The following SGCG variants were observed in gnomAD, a reference collection of about 807,000 sequenced individuals.
The protein encoded by SGCG is sarcoglycan gamma, also known as gamma-sarcoglycan.
SGCG carries 26 observed loss-of-function variants against 29.3 expected under a neutral mutation model. The ratio of observed to expected loss-of-function variants is 0.89; its 90% CI spans 0.65 to 1.23. The LOEUF (loss-of-function observed/expected upper bound fraction) is 1.23. SGCG is among the 50% of genes most tolerant of loss of function. The pLI is 0.00. For synonymous variants in SGCG, 145 were observed against 129.7 expected, an observed-to-expected ratio of 1.12 and a Z score of -0.80; for missense variants, 353 against 356.0, an observed-to-expected ratio of 0.99 and a Z score of 0.07.
At chr13:23,189,679 GAGAA>G (rs572052510) in intron 1 of SGCG, among the ~76,000 whole-genome samples, 336 of 152,294 alleles carry the variant, frequency 2.2e-3, no homozygotes, top group Non-Finnish European at 3.9e-3. Context: ...GGGCTTAACA[GAGAA>G]AACTATCACC....
intron 7 of SGCG, 135 bp from the exon 8 acceptor site, chr13:23,324,233 G>A: frequency 2.6e-6 from 2 of 766,104 alleles, no homozygotes; most frequent in Non-Finnish European, 4.5e-6. Context: ...TACGAAATGA[G>A]TTACATAAAG....
At chr13:23,269,987 G>T (rs961120019) in intron 4 of SGCG, among the ~76,000 whole-genome samples, 2 of 151,258 alleles carry the variant, frequency 1.3e-5, no homozygotes, top group Non-Finnish European at 2.9e-5. Flanking sequence ...CCATTCTCCT[G>T]CCTCAGCCTC....
Position 23,269,875 on chromosome 13 carries a change from T to G in SGCG, c.386-9484T>G, listed in dbSNP as rs1341699952. ...GGTTTGCTTTTTTTTGTTTTTTTTG[T>G]TTTTTTTGTTTTTTTTTGAGGCGGA... On this transcript the variant is annotated intron_variant, in intron 4 of 7. Transcript: ENST00000218867. Among the ~76,000 whole-genome samples the G allele has an allele frequency of 1.6e-4, 15 of 92,292 alleles. 1 individual carries two copies. Among genetic ancestry groups the G allele is most frequent in the Non-Finnish European group, 3.4e-4 (13 of 38,152 alleles). The allele number at this position is 92,292 out of a possible 152,430, so 60.5% of individuals were successfully genotyped here.
intron 4 of SGCG, among the ~76,000 whole-genome samples, chr13:23,271,593 A>G (rs529950748): frequency 2.6e-5 from 4 of 152,260 alleles, no homozygotes; most frequent in African/African-American, 7.2e-5. Flanking sequence ...TAGAGACTTC[A>G]TGGTATGTTT....
intron 4 of SGCG, among the ~76,000 whole-genome samples, chr13:23,253,675 C>T (rs1413364116): frequency 2.0e-5 from 3 of 152,196 alleles, no homozygotes; most frequent in East Asian, 3.8e-4. Context: ...TTTGGATGTG[C>T]GTCCCCTCCA....
At chr13:23,253,497 C>A (rs1880056682) in intron 4 of SGCG, among the ~76,000 whole-genome samples, 1 of 152,106 alleles carries the variant, frequency 6.6e-6, no homozygotes, top group Admixed American at 6.6e-5. Context: ...TCTCATATTT[C>A]CTGGAAGAAG....
Position 23,279,493 on chromosome 13 carries a change from G to C in SGCG, c.505+15G>C. The stretch of plus-strand genomic sequence containing the variant: ...TCGAGTAACTGGTATGTACTAACTC[G>C]AGAAAAACACAACATTCCATGGAGT... On this transcript the variant is annotated intron_variant, in intron 5 of 7. Coordinates refer to ENST00000218867, the MANE Select transcript of SGCG (RefSeq NM_000231.3). 1 of 1,610,608 alleles carries C rather than the reference G, an allele frequency of 6.2e-7. No individual in the cohort carries two copies. The highest frequency in any genetic ancestry group is 8.5e-7 in the Non-Finnish European group (1 of 1,177,792).
At chr13:23,210,088 A>G (rs1371535918) in intron 2 of SGCG, among the ~76,000 whole-genome samples, 2 of 152,204 alleles carry the variant, frequency 1.3e-5, no homozygotes, top group African/African-American at 4.8e-5. Context: ...ATATTGATAT[A>G]TATTTTAAAT....
intron 4 of SGCG, among the ~76,000 whole-genome samples, chr13:23,255,931 C>T (rs1271907992): frequency 6.6e-6 from 1 of 152,116 alleles, no homozygotes; most frequent in Admixed American, 6.5e-5. Flanking sequence ...GGAAGCTCCC[C>T]ACAGGAGACA....
chr13:23,170,983 AT>A, the SGCG span, among the ~76,000 whole-genome samples: 4 of 152,230 alleles, frequency 2.6e-5, no homozygotes, highest in Non-Finnish European at 5.9e-5. Context: ...AAATAGTATA[AT>A]TTGGCTTGAT....
chr13:23,311,327 CTTCTTCAG>C (rs1315581911), intron 6 of SGCG, among the ~76,000 whole-genome samples: 1 of 152,222 alleles, frequency 6.6e-6, no homozygotes, highest in Non-Finnish European at 1.5e-5. Flanking sequence ...TATCAGTGAA[CTTCTTCAG>C]TTCTTCAGTT....
chr13:23,250,560 A>T, intron 3 of SGCG, 70 bp from the exon 4 acceptor site: 1 of 781,682 alleles, frequency 1.3e-6, no homozygotes, highest in Non-Finnish European at 2.2e-6. Context: ...TCCTAAATTT[A>T]CACAGAATTA....
intron 1 of SGCG, among the ~76,000 whole-genome samples, chr13:23,184,182 A>G (rs1876871547): frequency 6.6e-6 from 1 of 152,234 alleles, no homozygotes; most frequent in Admixed American, 6.5e-5. Context: ...CATAGGAAAA[A>G]CACATATATA....
intron 6 of SGCG, among the ~76,000 whole-genome samples, chr13:23,306,862 GCA>G (rs1882380791): frequency 6.6e-6 from 1 of 152,224 alleles, no homozygotes; most frequent in African/African-American, 2.4e-5. Context: ...TAACAGAAGA[GCA>G]CAGTCAGTGC....
chr13:23,246,681 G>A, intron 3 of SGCG: 1 of 218,150 alleles, frequency 4.6e-6, no homozygotes, highest in Non-Finnish European at 9.9e-6. Flanking sequence ...GGAGAAATGG[G>A]CTTGGATTAC....
the SGCG span, among the ~76,000 whole-genome samples, chr13:23,172,803 C>T: frequency 1.3e-5 from 2 of 152,140 alleles, no homozygotes; most frequent in Non-Finnish European, 2.9e-5. Flanking sequence ...ACAGATTAGC[C>T]TATGCTGAAG....
intron 2 of SGCG, among the ~76,000 whole-genome samples, chr13:23,225,625 T>G (rs899132411): frequency 2.6e-5 from 4 of 152,236 alleles, no homozygotes; most frequent in African/African-American, 9.6e-5. Flanking sequence ...TGACACAAGA[T>G]CTTCCATGCT....
Position 23,212,969 on chromosome 13 carries a change from T to TA in SGCG, c.195+9081dup, listed in dbSNP as rs568150883. Among the ~76,000 whole-genome samples, 240 of 152,288 alleles carry TA rather than the reference T, an allele frequency of 1.6e-3. 1 individual carries two copies. Among genetic ancestry groups the TA allele is most frequent in the Non-Finnish European group, 2.5e-3 (171 of 68,022 alleles). ...TTTTTTGCTGACAGTGTTGATGTGA[T>TA]ATAGATAGAGGCATTCCATTTCTTA... On this transcript the variant is annotated intron_variant, in intron 2 of 7. Transcript: ENST00000218867.
At chr13:23,185,022 G>A (rs1454907190) in intron 1 of SGCG, among the ~76,000 whole-genome samples, 2 of 152,216 alleles carry the variant, frequency 1.3e-5, no homozygotes, top group Non-Finnish European at 2.9e-5. Flanking sequence ...GTATGAGATT[G>A]TAGGCAGATG....
Sources: gnomAD v4.1 joint callset for allele counts (sites outside exome capture counted in the v4.1 genomes callset) on GRCh38, gnomAD v4.1.1 for gene constraint, MANE v1.5 for transcripts, NCBI Gene and HGNC (gene_info 2026-07-23, HGNC 2026-07-21) for gene names.